Variants in CHCHD6 observed in about 807,000 individuals in gnomAD.
The protein encoded by CHCHD6 is coiled-coil-helix-coiled-coil-helix domain containing 6, also known as MICOS complex subunit MIC25.
A neutral mutation model predicts 32.3 loss-of-function variants in CHCHD6; 28 were observed. That is an observed-to-expected ratio of 0.87 (90% CI 0.64 to 1.19). The LOEUF (loss-of-function observed/expected upper bound fraction) is 1.19, where lower values mean the gene tolerates loss of function less well. Among genes scored for constraint, CHCHD6 ranks in the 50% most tolerant of loss-of-function variants. The probability of loss-of-function intolerance (pLI) is 0.00; values close to 1 mark genes in which losing one functional copy is unlikely to be tolerated. For synonymous variants in CHCHD6, 122 were observed against 117.5 expected (o/e 1.04, Z -0.25); for missense variants, 333 against 307.0 (o/e 1.08, Z -0.63).
intron 4 of CHCHD6, among the ~76,000 whole-genome samples, chr3:126,738,199 C>T (rs1357895172): frequency 6.6e-6 from 1 of 152,194 alleles, no homozygotes; most frequent in Non-Finnish European, 1.5e-5. Flanking sequence ...GAACTGGATA[C>T]AGTTGGCCCT....
intron 1 of CHCHD6, among the ~76,000 whole-genome samples, chr3:126,705,266 G>A (rs1934426077): frequency 6.6e-6 from 1 of 152,202 alleles, no homozygotes; most frequent in Non-Finnish European, 1.5e-5. Flanking sequence ...CGCTTCTGTT[G>A]ATAATTGTTT....
At chr3:126,886,086 A>C (rs1174348766) in intron 5 of CHCHD6, among the ~76,000 whole-genome samples, 3 of 152,224 alleles carry the variant, frequency 2.0e-5, no homozygotes. Context: ...AGATTGTAAC[A>C]ATTTCAGTAA....
At chr3:126,891,841 A>G (rs961151207) in intron 5 of CHCHD6, among the ~76,000 whole-genome samples, 1 of 152,066 alleles carries the variant, frequency 6.6e-6, no homozygotes, top group African/African-American at 2.4e-5. Flanking sequence ...GAGAGAGAAG[A>G]AAGGCTGGTG....
At chr3:126,710,700 G>C (rs1934709111) in intron 1 of CHCHD6, among the ~76,000 whole-genome samples, 1 of 152,126 alleles carries the variant, frequency 6.6e-6, no homozygotes, top group South Asian at 2.1e-4. Context: ...ATTGTGAATG[G>C]AGTTGTTTTC....
At chr3:126,789,196 A>T (rs981429220) in intron 4 of CHCHD6, among the ~76,000 whole-genome samples, 3 of 152,160 alleles carry the variant, frequency 2.0e-5, no homozygotes, top group African/African-American at 7.2e-5. Flanking sequence ...ACAGTTTGTT[A>T]TAATTTCTGT....
intron 4 of CHCHD6, among the ~76,000 whole-genome samples, chr3:126,741,923 C>T (rs996330744): frequency 1.3e-5 from 2 of 152,176 alleles, no homozygotes; most frequent in Non-Finnish European, 2.9e-5. Context: ...TGATCGCTTC[C>T]CCTGCTTTGT....
intron 5 of CHCHD6, among the ~76,000 whole-genome samples, chr3:126,880,353 C>T (rs750282889): frequency 6.6e-6 from 1 of 152,070 alleles, no homozygotes; most frequent in Non-Finnish European, 1.5e-5. Flanking sequence ...ACACATGCCT[C>T]GGGAGAAAGA....
chr3:126,759,056 C>T (rs1167820819), intron 4 of CHCHD6, among the ~76,000 whole-genome samples: 12 of 152,170 alleles, frequency 7.9e-5, no homozygotes, highest in East Asian at 1.9e-4. Flanking sequence ...TGCCTGTTCT[C>T]GCCAGTCCAG....
intron 4 of CHCHD6, among the ~76,000 whole-genome samples, chr3:126,789,294 T>C (rs1289021487): frequency 1.3e-5 from 2 of 152,200 alleles, no homozygotes; most frequent in Non-Finnish European, 2.9e-5. Flanking sequence ...AGAATGTATA[T>C]TCTGTTGATT....
chr3:126,867,786 C>T (rs953083220), intron 5 of CHCHD6, among the ~76,000 whole-genome samples: 4 of 152,184 alleles, frequency 2.6e-5, no homozygotes, highest in Non-Finnish European at 5.9e-5. Context: ...CTAATGTCTC[C>T]CATGCTGTCT....
At chr3:126,801,131 C>T (rs569565466) in intron 4 of CHCHD6, among the ~76,000 whole-genome samples, 4 of 152,358 alleles carry the variant, frequency 2.6e-5, no homozygotes, top group African/African-American at 2.4e-5. Flanking sequence ...CCAGCGTGAG[C>T]GACGCAGAAG....
intron 4 of CHCHD6, among the ~76,000 whole-genome samples, chr3:126,842,598 G>A (rs923500775): frequency 1.3e-5 from 2 of 152,152 alleles, no homozygotes; most frequent in Admixed American, 1.3e-4. Context: ...ATTCATATAT[G>A]AAATGAATAA....
rs188489989 is a variant in CHCHD6 at position 126,798,497 on chromosome 3, C to T, written c.412-54150C>T. 1.6e-4 allele frequency among the ~76,000 whole-genome samples: 25 copies of T among 152,298 alleles called. No individual in the cohort carries two copies. The East Asian group carries it at 4.3e-3, about 26-fold the overall frequency. On this transcript the variant is annotated intron_variant, in intron 4 of 7. Coordinates refer to ENST00000290913, the MANE Select transcript of CHCHD6 (RefSeq NM_032343.3). ...CTAAATGTGCCCTTTTCAGTGGATA[C>T]GGTTTTCTTTTCCCCGCTGTTTTTC...
At chr3:126,954,788 C>G (rs2078760840) in intron 6 of CHCHD6, among the ~76,000 whole-genome samples, 1 of 152,196 alleles carries the variant, frequency 6.6e-6, no homozygotes, top group Non-Finnish European at 1.5e-5. Flanking sequence ...AGGGCCAGCA[C>G]CGTCAGGAGG....
intron 4 of CHCHD6, among the ~76,000 whole-genome samples, chr3:126,784,129 T>C (rs1938083686): frequency 6.6e-6 from 1 of 152,140 alleles, no homozygotes; most frequent in African/African-American, 2.4e-5. Flanking sequence ...TTGCCACAAA[T>C]AGGATGGGCA....
At chr3:126,731,273 G>C (rs888356126) in intron 3 of CHCHD6, among the ~76,000 whole-genome samples, 6 of 152,124 alleles carry the variant, frequency 3.9e-5, no homozygotes, top group African/African-American at 1.4e-4. Flanking sequence ...CCAGGATGTT[G>C]GTAACTTTGT....
chr3:126,840,461 A>G (rs1472191911), intron 4 of CHCHD6, among the ~76,000 whole-genome samples: 1 of 152,224 alleles, frequency 6.6e-6, no homozygotes, highest in Non-Finnish European at 1.5e-5. Context: ...CTATAGATGA[A>G]CATATTAAGA....
At chr3:126,727,255 G>A (rs911254356) in intron 2 of CHCHD6, 69 bp downstream of exon 2, 3 of 1,130,610 alleles carry the variant, frequency 2.7e-6, no homozygotes, top group South Asian at 1.4e-5. Flanking sequence ...GCTCACCCGA[G>A]CCCACCTGAT....
chr3:126,876,298 A>G (rs1279064379), intron 5 of CHCHD6, among the ~76,000 whole-genome samples: 3 of 152,234 alleles, frequency 2.0e-5, no homozygotes, highest in Admixed American at 1.3e-4. Context: ...GATGAGTTCA[A>G]ATGATACAGA....
Sources: allele counts gnomAD v4.1 joint callset (sites outside exome capture counted in the v4.1 genomes callset), GRCh38; gene constraint gnomAD v4.1.1; transcripts MANE v1.5; gene names NCBI Gene and HGNC (gene_info 2026-07-23, HGNC 2026-07-21).